Variants in PLCB4 observed in about 807,000 individuals in gnomAD.
PLCB4 encodes phospholipase C beta 4, also known as 1-phosphatidylinositol 4,5-bisphosphate phosphodiesterase beta-4.
PLCB4 carries 77 observed loss-of-function variants against 178.8 expected under a neutral mutation model. The observed-to-expected ratio is 0.43, with a 90% CI of 0.36 to 0.52. PLCB4 has a LOEUF of 0.52. Among genes scored for constraint, PLCB4 ranks in the 20% least tolerant of loss-of-function variants. PLCB4 has a pLI of 0.00. For synonymous variants in PLCB4, 496 were observed against 490.8 expected, an observed-to-expected ratio of 1.01 and a Z score of -0.14; for missense variants, 1,024 against 1,453.4, an observed-to-expected ratio of 0.70 and a Z score of 4.80.
chr20:9,250,220 G>A (rs1158276333), intron 3 of PLCB4, among the ~76,000 whole-genome samples: 1 of 152,154 alleles, frequency 6.6e-6, no homozygotes, highest in African/African-American at 2.4e-5. Flanking sequence ...CAAGCTCTGG[G>A]CATCCTACCT....
At chr20:9,396,604 T>A (rs760056791) in intron 19 of PLCB4, among the ~76,000 whole-genome samples, 1 of 152,232 alleles carries the variant, frequency 6.6e-6, no homozygotes, top group Non-Finnish European at 1.5e-5. Context: ...TGAGAATTGA[T>A]GAACGAAATG....
intron 2 of PLCB4, among the ~76,000 whole-genome samples, chr20:9,208,029 G>A (rs2093632771): frequency 6.6e-6 from 1 of 152,158 alleles, no homozygotes; most frequent in African/African-American, 2.4e-5. Flanking sequence ...CTCACCTCTT[G>A]GTCATGGACA....
rs568458438 is a variant in PLCB4, at chr20:9,433,379, A to G, written c.2525-2181A>G. ...GAAATCTGGTACCTTGATTCAAGCA[A>G]TGTAACTATAAATAGGGGAAATATT... On this transcript the variant is annotated intron_variant, in intron 28 of 39. Transcript: ENST00000378473. Among the ~76,000 whole-genome samples, 8 of 152,356 alleles carry G rather than the reference A, an allele frequency of 5.3e-5. No homozygotes were observed. The South Asian group carries it at 1.4e-3, about 28-fold the overall frequency.
intron 2 of PLCB4, among the ~76,000 whole-genome samples, chr20:9,096,805 T>G (rs1178967235): frequency 6.6e-6 from 1 of 152,162 alleles, no homozygotes; most frequent in Non-Finnish European, 1.5e-5. Context: ...GCTGCATACT[T>G]TGTCAGCTGT....
chr20:9,290,690 T>C (rs2094572838), intron 3 of PLCB4, among the ~76,000 whole-genome samples: 1 of 152,166 alleles, frequency 6.6e-6, no homozygotes, highest in Non-Finnish European at 1.5e-5. Flanking sequence ...CAAGACACAA[T>C]AGTAATGCAT....
chr20:9,229,693 C>CT, intron 3 of PLCB4, among the ~76,000 whole-genome samples: 1 of 151,782 alleles, frequency 6.6e-6, no homozygotes, highest in African/African-American at 2.4e-5. Context: ...GTGTTTAAAA[C>CT]TTTTTTCCTT....
At chr20:9,175,089 T>A (rs1422179243) in intron 2 of PLCB4, among the ~76,000 whole-genome samples, 1 of 152,172 alleles carries the variant, frequency 6.6e-6, no homozygotes, top group Non-Finnish European at 1.5e-5. Context: ...ACAGCATTGG[T>A]TGTCACCATC....
chr20:9,312,999 A>T (rs189250287), intron 4 of PLCB4, among the ~76,000 whole-genome samples: 1 of 152,312 alleles, frequency 6.6e-6, no homozygotes, highest in Admixed American at 6.5e-5. Context: ...CAAACCAAAA[A>T]TACATTTTTC....
intron 3 of PLCB4, among the ~76,000 whole-genome samples, chr20:9,217,660 C>T (rs2093748146): frequency 6.6e-6 from 1 of 152,200 alleles, no homozygotes. Context: ...CACTACTAAC[C>T]TTGGGCACTT....
intron 2 of PLCB4, among the ~76,000 whole-genome samples, chr20:9,182,883 A>G (rs1375405083): frequency 6.6e-6 from 1 of 152,136 alleles, no homozygotes; most frequent in Non-Finnish European, 1.5e-5. Flanking sequence ...ATAAATACCT[A>G]TTCTGTTTGG....
intron 7 of PLCB4, among the ~76,000 whole-genome samples, chr20:9,355,401 G>A (rs535276904): frequency 3.0e-4 from 45 of 151,848 alleles, no homozygotes; most frequent in Middle Eastern, 3.4e-3. Flanking sequence ...CCATTAACTC[G>A]TCATTTAGCA....
Position 9,408,624 on chromosome 20 carries a change from CT to C in PLCB4, c.1790-5del. 1 of 1,473,224 alleles carries C rather than the reference CT, an allele frequency of 6.8e-7. No homozygotes were observed. Among genetic ancestry groups the C allele is most frequent in the Non-Finnish European group, 9.5e-7 (1 of 1,054,216 alleles). The allele number at this position is 1,473,224 out of a possible 1,614,324, so 91.3% of individuals were successfully genotyped here. A position where few individuals can be genotyped will look rare whatever the true frequency, so the allele number is the denominator to read the frequency against. ...AGTTCCTGAATCCATCTTTGCTTTT[CT>C]TTTACAGAACGCAATATTCATTATA... is the stretch of plus-strand genomic sequence containing the variant. On this transcript the variant is annotated splice_polypyrimidine_tract_variant and splice_region_variant and intron_variant, in intron 22 of 39. Transcript: ENST00000378473.
At chr20:9,421,527 G>A (rs1002740752) in intron 27 of PLCB4, 66 bp downstream of exon 27, 22 of 1,298,760 alleles carry the variant, frequency 1.7e-5, no homozygotes, top group Admixed American at 5.2e-5. Context: ...GTTCACAGAC[G>A]CTACACGATA....
At chr20:9,256,959 G>A (rs747080916) in intron 3 of PLCB4, among the ~76,000 whole-genome samples, 18 of 152,192 alleles carry the variant, frequency 1.2e-4, no homozygotes, top group Non-Finnish European at 2.5e-4. Flanking sequence ...ATTGAGGTTT[G>A]TGGGCAAGTG....
chr20:9,142,252 T>C (rs1286746925), intron 2 of PLCB4, among the ~76,000 whole-genome samples: 1 of 151,938 alleles, frequency 6.6e-6, no homozygotes, highest in African/African-American at 2.4e-5. Context: ...AGAGGAAGAA[T>C]GGGTGGATTT....
intron 3 of PLCB4, among the ~76,000 whole-genome samples, chr20:9,271,573 A>G (rs2055364879): frequency 2.0e-5 from 3 of 152,190 alleles, no homozygotes; most frequent in African/African-American, 7.2e-5. Context: ...AATTATGTGC[A>G]TCTATAATTA....
intron 2 of PLCB4, among the ~76,000 whole-genome samples, chr20:9,177,727 C>G (rs2093178678): frequency 6.6e-6 from 1 of 152,174 alleles, no homozygotes; most frequent in Non-Finnish European, 1.5e-5. Flanking sequence ...TAGGCATACA[C>G]TTGGGCCTAA....
rs532522255 is a variant in PLCB4 at position 9,378,784 on chromosome 20, C to T, written c.745-1270C>T. Among the ~76,000 whole-genome samples, 40 of 152,114 alleles carry T rather than the reference C, an allele frequency of 2.6e-4. 1 individual carries two copies. Among genetic ancestry groups the T allele is most frequent in the African/African-American group, 8.2e-4 (34 of 41,530 alleles). On this transcript the variant is annotated intron_variant, in intron 12 of 39. Transcript: ENST00000378473. ...TCCTTATGAGTTAATGCTCTTAACTCGGTGGGGGAGGAGGGGACCCAGAAA... is the reference window on the plus strand; with the variant it reads ...TCCTTATGAGTTAATGCTCTTAACTTGGTGGGGGAGGAGGGGACCCAGAAA...
intron 34 of PLCB4, among the ~76,000 whole-genome samples, chr20:9,458,445 A>G (rs1046120958): frequency 6.6e-6 from 1 of 152,258 alleles, no homozygotes; most frequent in African/African-American, 2.4e-5. Flanking sequence ...CTTTTGCTAT[A>G]TAATGAACTG....
Sources: gnomAD v4.1 joint callset for allele counts (sites outside exome capture counted in the v4.1 genomes callset) on GRCh38, gnomAD v4.1.1 for gene constraint, MANE v1.5 for transcripts, NCBI Gene and HGNC (gene_info 2026-07-23, HGNC 2026-07-21) for gene names.